EFNA5: variants seen among roughly 807,000 people sequenced by gnomAD.
EFNA5 encodes ephrin A5.
EFNA5 carries 5 observed loss-of-function variants against 22.9 expected under a neutral mutation model. That is an observed-to-expected ratio of 0.22 (90% CI 0.11 to 0.46). The LOEUF (loss-of-function observed/expected upper bound fraction) is 0.46, where lower values mean the gene tolerates loss of function less well. EFNA5 is among the 20% of genes least tolerant of loss of function. The pLI is 0.99. For missense variants in EFNA5, 237 were observed against 293.3 expected, an observed-to-expected ratio of 0.81 and a Z score of 1.40; for synonymous variants, 113 against 112.2, an observed-to-expected ratio of 1.01 and a Z score of -0.04.
chr5:107,406,091 A>AGG (rs1561372484), intron 2 of EFNA5, among the ~76,000 whole-genome samples: 3 of 30,038 alleles, frequency 1.0e-4, no homozygotes, highest in South Asian at 6.7e-4. Flanking sequence ...ACAAATACCT[A>AGG]TATTTGTATA....
chr5:107,533,746 G>A (rs1356351372), intron 1 of EFNA5, among the ~76,000 whole-genome samples: 1 of 152,192 alleles, frequency 6.6e-6, no homozygotes, highest in East Asian at 1.9e-4. Flanking sequence ...GGAAAGCAAT[G>A]TTGATCCATT....
At chr5:107,420,409 T>A (rs769189492) in intron 2 of EFNA5, among the ~76,000 whole-genome samples, 4 of 150,636 alleles carry the variant, frequency 2.7e-5, no homozygotes, top group Non-Finnish European at 5.9e-5. Flanking sequence ...ATTTTACAGA[T>A]GAAGGAATTG....
At chr5:107,631,080 G>A (rs1233885973) in intron 1 of EFNA5, among the ~76,000 whole-genome samples, 4 of 151,900 alleles carry the variant, frequency 2.6e-5, no homozygotes, top group African/African-American at 4.8e-5. Flanking sequence ...CTGTTTTGCA[G>A]TTAACTTTTT....
At chr5:107,471,934 A>T (rs1490710996) in intron 1 of EFNA5, among the ~76,000 whole-genome samples, 1 of 152,214 alleles carries the variant, frequency 6.6e-6, no homozygotes, top group Non-Finnish European at 1.5e-5. Flanking sequence ...TTCTTTTAAC[A>T]TTTAATAAGT....
rs546781229 is a variant in EFNA5 at position 107,452,901 on chromosome 5, T to C, written c.126-25392A>G. ...AGGCTTAACTCCAAAACACAAAATA[T>C]TTCAGTAAAACACCTTAATCCTTCA... On this transcript the variant is annotated intron_variant, in intron 1 of 4. Transcript: ENST00000333274. Among the ~76,000 whole-genome samples the C allele has an allele frequency of 2.0e-3, 303 of 152,284 alleles. 1 individual carries two copies. The highest frequency in any genetic ancestry group is 2.8e-3 in the Non-Finnish European group (188 of 68,026).
chr5:107,669,450 C>A (rs941642170), intron 1 of EFNA5, among the ~76,000 whole-genome samples: 1 of 151,996 alleles, frequency 6.6e-6, no homozygotes, highest in African/African-American at 2.4e-5. Flanking sequence ...CTAGCGGGGC[C>A]GACTTCTGTG....
At chr5:107,545,933 G>A (rs865933560) in intron 1 of EFNA5, among the ~76,000 whole-genome samples, 13 of 152,074 alleles carry the variant, frequency 8.5e-5, no homozygotes, top group Admixed American at 8.5e-4. Flanking sequence ...TTTGAAAACA[G>A]AGCAAATGAC....
At chr5:107,509,586 C>T (rs1457945201) in intron 1 of EFNA5, among the ~76,000 whole-genome samples, 1 of 151,660 alleles carries the variant, frequency 6.6e-6, no homozygotes, top group Non-Finnish European at 1.5e-5. Flanking sequence ...CCGCCTTGGC[C>T]TCCCAAAGTG....
chr5:107,493,799 T>G (rs949619711), intron 1 of EFNA5, among the ~76,000 whole-genome samples: 20 of 152,328 alleles, frequency 1.3e-4, no homozygotes, highest in African/African-American at 4.8e-4. Flanking sequence ...GTGTATGTAT[T>G]GAACATTGGC....
intron 1 of EFNA5, among the ~76,000 whole-genome samples, chr5:107,621,407 C>T (rs1374424204): frequency 6.6e-6 from 1 of 152,114 alleles, no homozygotes. Flanking sequence ...CATTGAAGGG[C>T]AAAAGAAAAA....
intron 4 of EFNA5, among the ~76,000 whole-genome samples, chr5:107,384,745 G>C (rs114691323): frequency 0.01 from 1,475 of 145,640 alleles, 33 homozygotes; most frequent in African/African-American, 0.036. Context: ...CCAAGTAACT[G>C]AGACTAAAGG....
intron 1 of EFNA5, among the ~76,000 whole-genome samples, chr5:107,655,503 T>C (rs1217269868): frequency 6.6e-6 from 1 of 152,130 alleles, no homozygotes; most frequent in Non-Finnish European, 1.5e-5. Flanking sequence ...GTATTTTTAT[T>C]ACTAGTGGCC....
At chr5:107,461,447 C>T (rs950582166) in intron 1 of EFNA5, among the ~76,000 whole-genome samples, 1 of 151,968 alleles carries the variant, frequency 6.6e-6, no homozygotes, top group Non-Finnish European at 1.5e-5. Flanking sequence ...GCCGATATAC[C>T]CCTAAAGAGA....
chr5:107,498,782 A>G (rs1013492681), intron 1 of EFNA5, among the ~76,000 whole-genome samples: 1 of 152,154 alleles, frequency 6.6e-6, no homozygotes, highest in Non-Finnish European at 1.5e-5. Context: ...TAGAGGGACT[A>G]TTCCTGAATA....
chr5:107,585,424 G>T (rs147001582), intron 1 of EFNA5, among the ~76,000 whole-genome samples: 37 of 152,320 alleles, frequency 2.4e-4, no homozygotes, highest in South Asian at 1.2e-3. Flanking sequence ...CAGGAAAGCA[G>T]TTTGGGGATC....
At chr5:107,445,615 G>A (rs1397290487) in intron 1 of EFNA5, among the ~76,000 whole-genome samples, 1 of 152,122 alleles carries the variant, frequency 6.6e-6, no homozygotes, top group African/African-American at 2.4e-5. Context: ...AGTTGTTCAG[G>A]CAGGGATGTT....
At chr5:107,407,847 C>T (rs1328271623) in intron 2 of EFNA5, among the ~76,000 whole-genome samples, 1 of 152,028 alleles carries the variant, frequency 6.6e-6, no homozygotes, top group African/African-American at 2.4e-5. Flanking sequence ...GCATCTTTGC[C>T]TCTGACATAG....
chr5:107,409,940 C>A (rs1485919533), intron 2 of EFNA5, among the ~76,000 whole-genome samples: 1 of 151,538 alleles, frequency 6.6e-6, no homozygotes, highest in Non-Finnish European at 1.5e-5. Context: ...CAAAATGGGA[C>A]TCCAGAAAGA....
At chr5:107,510,239 C>T (rs953831604) in intron 1 of EFNA5, among the ~76,000 whole-genome samples, 2 of 152,204 alleles carry the variant, frequency 1.3e-5, no homozygotes, top group African/African-American at 4.8e-5. Flanking sequence ...CTAAAAGACA[C>T]TCCCACCAGT....
Sources: allele counts gnomAD v4.1 joint callset (sites outside exome capture counted in the v4.1 genomes callset), GRCh38; gene constraint gnomAD v4.1.1; transcripts MANE v1.5; gene names NCBI Gene and HGNC (gene_info 2026-07-23, HGNC 2026-07-21).